PHLPP1: variants seen among roughly 807,000 people sequenced by gnomAD.
PHLPP1 encodes the protein PH domain leucine-rich repeat-containing protein phosphatase 1.
A neutral mutation model predicts 117.2 loss-of-function variants in PHLPP1; 42 were observed. The observed-to-expected ratio is 0.36, with a 90% CI of 0.28 to 0.46. PHLPP1 has a LOEUF of 0.46. Among genes scored for constraint, PHLPP1 ranks in the 20% least tolerant of loss-of-function variants. The pLI, the probability that PHLPP1 is intolerant of heterozygous loss-of-function variation, is 1.00. For synonymous variants in PHLPP1, 1,042 were observed against 970.7 expected, an observed-to-expected ratio of 1.07 and a Z score of -1.37; for missense variants, 2,084 against 2,241.9, an observed-to-expected ratio of 0.93 and a Z score of 1.42.
intron 1 of PHLPP1, among the ~76,000 whole-genome samples, chr18:62,743,262 T>C (rs907372583): frequency 1.3e-5 from 2 of 152,094 alleles, no homozygotes; most frequent in Non-Finnish European, 2.9e-5. Context: ...GTAGATTAAG[T>C]GATAGTGAAT....
chr18:62,926,584 CAG>C (rs1438117550), intron 10 of PHLPP1, among the ~76,000 whole-genome samples: 3 of 152,124 alleles, frequency 2.0e-5, no homozygotes, highest in Non-Finnish European at 2.9e-5. Context: ...TGCATTAGGA[CAG>C]GGGTTTTTGC....
chr18:62,732,641 G>A (rs1911259085), intron 1 of PHLPP1, among the ~76,000 whole-genome samples: 1 of 152,166 alleles, frequency 6.6e-6, no homozygotes, highest in Admixed American at 6.5e-5. Context: ...AATACATTTT[G>A]TAAGGCTATA....
intron 1 of PHLPP1, chr18:62,824,240 A>C: frequency 4.4e-6 from 2 of 455,516 alleles, no homozygotes; most frequent in South Asian, 1.6e-5. Flanking sequence ...CTAGGTATTT[A>C]CCCGAGAGGA....
intron 1 of PHLPP1, among the ~76,000 whole-genome samples, chr18:62,817,428 TACAC>T (rs1348168889): frequency 6.6e-6 from 1 of 152,102 alleles, no homozygotes; most frequent in Admixed American, 6.5e-5. Flanking sequence ...TGTAGGTAAA[TACAC>T]ACACATACAT....
At chr18:62,832,803 G>A (rs754970589) in intron 2 of PHLPP1, among the ~76,000 whole-genome samples, 12 of 151,694 alleles carry the variant, frequency 7.9e-5, no homozygotes, top group Non-Finnish European at 1.5e-4. Context: ...ATGAATGAAA[G>A]GAGTTTTATT....
intron 4 of PHLPP1, among the ~76,000 whole-genome samples, chr18:62,867,308 G>C (rs1283124922): frequency 1.3e-5 from 2 of 152,106 alleles, no homozygotes; most frequent in Admixed American, 6.6e-5. Flanking sequence ...CATTACTATG[G>C]AAGATAAGGA....
At chr18:62,885,224 GTAAAACAT>G (rs1212768025) in intron 4 of PHLPP1, among the ~76,000 whole-genome samples, 3 of 152,218 alleles carry the variant, frequency 2.0e-5, no homozygotes, top group Non-Finnish European at 2.9e-5. Flanking sequence ...CTTTGACACT[GTAAAACAT>G]TGGCTTTTTT....
chr18:62,897,135 A>C (rs927397642), intron 6 of PHLPP1, among the ~76,000 whole-genome samples: 2 of 152,172 alleles, frequency 1.3e-5, no homozygotes, highest in Non-Finnish European at 2.9e-5. Flanking sequence ...ACTTCATTAG[A>C]GCCAAGGACA....
At chr18:62,902,522 CCTT>C (rs1463933117) in intron 6 of PHLPP1, among the ~76,000 whole-genome samples, 2 of 152,190 alleles carry the variant, frequency 1.3e-5, no homozygotes, top group Admixed American at 6.5e-5. Flanking sequence ...CATCCTCTCT[CCTT>C]CATTAAATAT....
intron 6 of PHLPP1, among the ~76,000 whole-genome samples, chr18:62,898,014 C>T (rs191763016): frequency 3.5e-5 from 5 of 143,080 alleles, no homozygotes; most frequent in East Asian, 3.9e-4. Flanking sequence ...ATTCCTCCTC[C>T]CTTCTCCTCT....
chr18:62,905,069 C>G (rs1839052718), intron 7 of PHLPP1, among the ~76,000 whole-genome samples, 155 bp from the exon 8 acceptor site: 1 of 152,154 alleles, frequency 6.6e-6, no homozygotes, highest in Non-Finnish European at 1.5e-5. Context: ...TTTTACTTTT[C>G]CTGCACTTTC....
chr18:62,829,477 C>T (rs963772219), intron 1 of PHLPP1, among the ~76,000 whole-genome samples: 7 of 152,278 alleles, frequency 4.6e-5, no homozygotes, highest in Admixed American at 1.3e-4. Flanking sequence ...CCAACCCAGG[C>T]GTGGTGGCTC....
intron 1 of PHLPP1, among the ~76,000 whole-genome samples, chr18:62,815,026 G>A (rs572193822): frequency 3.2e-4 from 48 of 152,282 alleles, no homozygotes; most frequent in Non-Finnish European, 6.6e-4. Flanking sequence ...TCTGAGTCAG[G>A]AATGCAGGAG....
At chr18:62,725,492 G>A (rs1037411364) in intron 1 of PHLPP1, among the ~76,000 whole-genome samples, 1 of 152,076 alleles carries the variant, frequency 6.6e-6, no homozygotes, top group African/African-American at 2.4e-5. Flanking sequence ...TCAGGTACAT[G>A]TACGCAGTTC....
chr18:62,791,033 C>G (rs764230623), intron 1 of PHLPP1, among the ~76,000 whole-genome samples: 1 of 151,986 alleles, frequency 6.6e-6, no homozygotes, highest in Admixed American at 6.6e-5. Flanking sequence ...GAGGAGCTGG[C>G]GACAGACCTG....
Position 62,975,530 on chromosome 18 carries a change from C to G in PHLPP1, c.3889C>G (p.Arg1297Gly). 6.2e-7 allele frequency: 1 copy of G among 1,613,880 alleles called. No homozygotes were observed. The highest frequency in any genetic ancestry group is 8.5e-7 in the Non-Finnish European group (1 of 1,179,826). Reference sequence around the variant, plus strand: ...GGGCAAGTGCCAAACAGTTCTCTGTCGAAATGGAAAGCCGCTGCCTCTGTC... The same window carrying G: ...GGGCAAGTGCCAAACAGTTCTCTGTGGAAATGGAAAGCCGCTGCCTCTGTC... Reference protein sequence around the residue: ...NVGKCQTVLCRNGKPLPLSRS... With the variant: ...NVGKCQTVLCGNGKPLPLSRS... The change falls in exon 16 of 17, where the codon CGA becomes GGA. Residue 1297 changes from arginine to glycine, a missense_variant. By Grantham distance (125) the Arg-to-Gly change is moderately radical. This residue lies in a region of PHLPP1 where 1,365 missense variants were observed against 1,605.9 expected (regional missense o/e 0.85). Transcript: ENST00000262719.
intron 1 of PHLPP1, chr18:62,779,338 C>T (rs1367465430): frequency 5.3e-5 from 8 of 152,106 alleles, no homozygotes. Context: ...CTCTAGTCAC[C>T]TATTCCATTA....
rs186727222 is a variant in PHLPP1, at chr18:62,739,918, T to C, written c.1576+22659T>C. On this transcript the variant is annotated intron_variant, in intron 1 of 16. Transcript: ENST00000262719. ...AGTAATCATAGTGTATACCATCTGTTGTGAATTCATGAGTGATTTCAACTA... is the reference window on the plus strand; with the variant it reads ...AGTAATCATAGTGTATACCATCTGTCGTGAATTCATGAGTGATTTCAACTA... 2.6e-5 allele frequency among the ~76,000 whole-genome samples: 4 copies of C among 152,314 alleles called. No homozygotes were observed. In the East Asian group the frequency reaches 7.7e-4, roughly 29 times the overall value.
intron 1 of PHLPP1, among the ~76,000 whole-genome samples, chr18:62,770,993 TG>T (rs1052861773): frequency 6.6e-6 from 1 of 151,814 alleles, no homozygotes; most frequent in Non-Finnish European, 1.5e-5. Flanking sequence ...CCGAGGTGGG[TG>T]GATCACCTGA....
Sources: gnomAD v4.1 joint callset for allele counts (sites outside exome capture counted in the v4.1 genomes callset) on GRCh38, gnomAD v4.1.1 for gene constraint, gnomAD v4.1.1 regional missense constraint, MANE v1.5 for transcripts, NCBI Gene and HGNC (gene_info 2026-07-23, HGNC 2026-07-21) for gene names.